Variants in ACOX2 observed in about 807,000 individuals in gnomAD.
The protein encoded by ACOX2 is acyl-CoA oxidase 2.
A neutral mutation model predicts 77.5 loss-of-function variants in ACOX2; 59 were observed. The observed-to-expected ratio is 0.76, with a 90% confidence interval of 0.62 to 0.95. The LOEUF is 0.95. Ranked by LOEUF, ACOX2 falls within the 40% of genes least tolerant of loss-of-function variation. The probability of loss-of-function intolerance (pLI) is 0.00; values close to 1 mark genes in which losing one functional copy is unlikely to be tolerated. For synonymous variants in ACOX2, 317 were observed against 340.1 expected, an observed-to-expected ratio of 0.93 and a Z score of 0.75; for missense variants, 837 against 880.4, an observed-to-expected ratio of 0.95 and a Z score of 0.62.
rs990445260 is a variant in ACOX2 at position 58,523,353 on chromosome 3, A to G, written c.1527-752T>C. 6.6e-5 allele frequency among the ~76,000 whole-genome samples: 10 copies of G among 152,218 alleles called. No homozygotes were observed. The highest frequency in any genetic ancestry group is 1.5e-4 in the Non-Finnish European group (10 of 68,040). On this transcript the variant is annotated intron_variant, in intron 11 of 14. Transcript: ENST00000302819. This position sits in a 1 kb window ranked among gnomAD's most constrained non-coding sequence, Gnocchi z 5.3. ...CCCCTCCTCAAATCTCCCAATTGAA[A>G]TGTTAGCTCTATGAGTTTGGGGTGT...
In ACOX2 at chr3:58,534,807, G is replaced by T; in HGVS notation, c.160+140C>A. The T allele has an allele frequency of 2.1e-6, 3 of 1,439,428 alleles. No homozygotes were observed. Among genetic ancestry groups the T allele is most frequent in the African/African-American group, 1.4e-5 (1 of 71,604 alleles). 89.2% of individuals were successfully genotyped at this position (1,439,428 alleles called of 1,614,324 possible). On this transcript the variant is annotated intron_variant, in intron 2 of 14. Coordinates refer to ENST00000302819, the MANE Select transcript of ACOX2 (RefSeq NM_003500.4). This position sits in a 1 kb window ranked among gnomAD's most constrained non-coding sequence, Gnocchi z 4.8. ...TTGACATGTGAAGATTGTCTTTACA[G>T]TTCGAAGGAATGAATCTCTAACAGT...
chr3:58,532,150 G>A (rs1395171085), intron 5 of ACOX2, among the ~76,000 whole-genome samples: 2 of 152,142 alleles, frequency 1.3e-5, no homozygotes, highest in Admixed American at 1.3e-4. Flanking sequence ...TTGCAGGGGA[G>A]AGAGGATGAT....
At position 58,533,406 on chromosome 3, in the gene ACOX2, T is replaced by C. The variant is rs2063455147; in HGVS notation, c.583+39A>G. On this transcript the variant is annotated intron_variant, in intron 5 of 14. Transcript: ENST00000302819. The surrounding 1 kb of genome is among the most constrained non-coding windows in gnomAD (Gnocchi z 5.6). ...ACTCTGCCCTCCAACATTCTTCTAC[T>C]TGGGGAGAGTTAAGGAAGGGGGGTG... 1 of 1,565,178 alleles carries C rather than the reference T, an allele frequency of 6.4e-7. No individual in the cohort carries two copies. Among genetic ancestry groups the C allele is most frequent in the Non-Finnish European group, 8.8e-7 (1 of 1,136,810 alleles).
Position 58,531,837 on chromosome 3 carries a change from C to T in ACOX2, c.584-25G>A, listed in dbSNP as rs746806175. 32 of 1,605,374 alleles carry T rather than the reference C, an allele frequency of 2.0e-5. No homozygotes were observed. Among genetic ancestry groups the T allele is most frequent in the Non-Finnish European group, 2.6e-5 (31 of 1,176,400 alleles). ...ACTGAGGGCAGAGAGAGTAGCGGCCCGTCACAGGAAGACCTGTGCATTGCT... is the reference window on the plus strand; with the variant it reads ...ACTGAGGGCAGAGAGAGTAGCGGCCTGTCACAGGAAGACCTGTGCATTGCT... On this transcript the variant is annotated intron_variant, in intron 5 of 14. Transcript: ENST00000302819. The surrounding 1 kb of genome is among the most constrained non-coding windows in gnomAD (Gnocchi z 5.8).
At position 58,533,485 on chromosome 3, in the gene ACOX2, G is replaced by C. The variant is rs745760548; in HGVS notation, c.543C>G (p.His181Gln). The change falls in exon 5 of 15, where the codon CAC becomes CAG. Residue 181 changes from histidine to glutamine, a missense_variant. Coordinates refer to ENST00000302819, the MANE Select transcript of ACOX2 (RefSeq NM_003500.4). This position sits in a 1 kb window ranked among gnomAD's most constrained non-coding sequence, Gnocchi z 5.6. Reference protein sequence around the residue: ...YDAATQEFVIHSPTLTATKWW... With the variant: ...YDAATQEFVIQSPTLTATKWW... ...ATTTGGTGGCAGTCAGCGTGGGGCT[G>C]TGTATCACAAACTCCTGGGTGGCTG... The C allele has an allele frequency of 6.2e-7, 1 of 1,614,000 alleles. No individual in the cohort carries two copies. The highest frequency in any genetic ancestry group is 1.1e-5 in the South Asian group (1 of 91,078).
chr3:58,520,680 G>C (rs1041594658), intron 12 of ACOX2, among the ~76,000 whole-genome samples: 1 of 152,182 alleles, frequency 6.6e-6, no homozygotes. Flanking sequence ...GCTTTCTGTA[G>C]ACTAAATAAC....
At position 58,531,405 on chromosome 3, in the gene ACOX2, A is replaced by G; in HGVS notation, c.704-39T>C. 1 of 1,569,816 alleles carries G rather than the reference A, an allele frequency of 6.4e-7. No homozygotes were observed. The highest frequency in any genetic ancestry group is 8.8e-7 in the Non-Finnish European group (1 of 1,141,424). On this transcript the variant is annotated intron_variant, in intron 6 of 14. Coordinates refer to ENST00000302819, the MANE Select transcript of ACOX2 (RefSeq NM_003500.4). This position sits in a 1 kb window ranked among gnomAD's most constrained non-coding sequence, Gnocchi z 5.8. ...GAGATGAGGACACCTATCAGTTGAG[A>G]GAGTGCTTGCTATGTGGCAGGTATC...
In ACOX2 at chr3:58,525,283, G is replaced by C. The variant is rs146475328; in HGVS notation, c.1347-678C>G. ...CTTTTCTAATTTGGAAAAAAACCAA[G>C]GGATGTTATATATTTTTAAAAATAT... On this transcript the variant is annotated intron_variant, in intron 10 of 14. Coordinates refer to ENST00000302819, the MANE Select transcript of ACOX2 (RefSeq NM_003500.4). The surrounding 1 kb of genome is among the most constrained non-coding windows in gnomAD (Gnocchi z 5.0). Among the ~76,000 whole-genome samples the C allele has an allele frequency of 6.6e-6, 1 of 152,172 alleles. No homozygotes were observed. The highest frequency in any genetic ancestry group is 1.5e-5 in the Non-Finnish European group (1 of 68,014).
Position 58,523,388 on chromosome 3 carries a change from C to G in ACOX2, c.1527-787G>C, listed in dbSNP as rs768935898. 3.9e-5 allele frequency among the ~76,000 whole-genome samples: 6 copies of G among 152,114 alleles called. No individual in the cohort carries two copies. Among genetic ancestry groups the G allele is most frequent in the Non-Finnish European group, 8.8e-5 (6 of 68,032 alleles). ...TATGAGTTTGGGGTGTTTATCAGGC[C>G]TATTTACTGATAGGTCCCTAATGCC... is the stretch of plus-strand genomic sequence containing the variant. On this transcript the variant is annotated intron_variant, in intron 11 of 14. Coordinates refer to ENST00000302819, the MANE Select transcript of ACOX2 (RefSeq NM_003500.4). The surrounding 1 kb of genome is among the most constrained non-coding windows in gnomAD (Gnocchi z 5.3).
intron 13 of ACOX2, among the ~76,000 whole-genome samples, chr3:58,510,559 G>A (rs1333644943): frequency 2.8e-5 from 4 of 142,002 alleles, no homozygotes; most frequent in Non-Finnish European, 6.0e-5. Flanking sequence ...CTTGAACCTG[G>A]GAGTCAGAGG....
Position 58,524,623 on chromosome 3 carries a change from A to G in ACOX2, c.1347-18T>C, listed in dbSNP as rs1303435945. The G allele has an allele frequency of 2.5e-6, 4 of 1,612,270 alleles. No individual in the cohort carries two copies. The highest frequency in any genetic ancestry group is 3.4e-6 in the Non-Finnish European group (4 of 1,179,490). ...CCAGGAACCTGGGGGTTGGAAGAGG[A>G]GGCAGGTGAGAGGGCAGAGACTCTG... On this transcript the variant is annotated intron_variant, in intron 10 of 14. Transcript: ENST00000302819. The surrounding 1 kb of genome is among the most constrained non-coding windows in gnomAD (Gnocchi z 5.5).
At position 58,525,966 on chromosome 3, in the gene ACOX2, G is replaced by A. The variant is rs536704685; in HGVS notation, c.1346+500C>T. Reference sequence around the variant, plus strand: ...CGGCGGGCAGAGGTTGCAGTGAGCCGAGATTGCACCACTGCACTCCAGCCT... The same window carrying A: ...CGGCGGGCAGAGGTTGCAGTGAGCCAAGATTGCACCACTGCACTCCAGCCT... On this transcript the variant is annotated intron_variant, in intron 10 of 14. Transcript: ENST00000302819. The surrounding 1 kb of genome is among the most constrained non-coding windows in gnomAD (Gnocchi z 5.0). 2.6e-5 allele frequency among the ~76,000 whole-genome samples: 4 copies of A among 152,002 alleles called. No homozygotes were observed. Among genetic ancestry groups the A allele is most frequent in the African/African-American group, 9.7e-5 (4 of 41,450 alleles).
chr3:58,533,470 A>G lies in ACOX2; in HGVS notation c.558T>C (p.Thr186=). ...AGTCTCCAGGCCACCATTTGGTGGC[A>G]GTCAGCGTGGGGCTGTGTATCACAA... ...QEFVIHSPTL[T]ATKWWPGDLG... is the part of the protein sequence containing the mutation. The change falls in exon 5 of 15, where the codon ACT becomes ACC. Residue 186 remains threonine, a synonymous_variant. Transcript: ENST00000302819. This position sits in a 1 kb window ranked among gnomAD's most constrained non-coding sequence, Gnocchi z 5.6. The G allele has an allele frequency of 5.6e-6, 9 of 1,613,970 alleles. No individual in the cohort carries two copies. Among genetic ancestry groups the G allele is most frequent in the Admixed American group, 1.7e-5 (1 of 60,002 alleles).
Position 58,519,238 on chromosome 3 carries a change from G to A in ACOX2, c.1633-1815C>T, listed in dbSNP as rs541650158. Among the ~76,000 whole-genome samples the A allele has an allele frequency of 6.6e-6, 1 of 152,080 alleles. No homozygotes were observed. The highest frequency in any genetic ancestry group is 1.5e-5 in the Non-Finnish European group (1 of 68,030). ...GTCTCTACAAAAAATACAAAAATTA[G>A]CCAGGTGTGGTGGTGCACACCTGTA... On this transcript the variant is annotated intron_variant, in intron 12 of 14. Transcript: ENST00000302819. The surrounding 1 kb of genome is among the most constrained non-coding windows in gnomAD (Gnocchi z 5.0).
chr3:58,530,363 G>A, intron 8 of ACOX2, 103 bp downstream of exon 8: 2 of 1,487,128 alleles, frequency 1.3e-6, no homozygotes, highest in Non-Finnish European at 9.1e-7. Context: ...GGCATTGCCT[G>A]CTCCCAGCAC....
At position 58,512,570 on chromosome 3, in the gene ACOX2, A is replaced by C. The variant is rs1337306300; in HGVS notation, c.1851-3545T>G. Among the ~76,000 whole-genome samples the C allele has an allele frequency of 6.6e-6, 1 of 151,854 alleles. No homozygotes were observed. The highest frequency in any genetic ancestry group is 1.5e-5 in the Non-Finnish European group (1 of 67,964). ...ACCTTACCGTCTCTTCCCACCCCCT[A>C]CTGTACTCCCTTAACTCTCTGCCCT... On this transcript the variant is annotated intron_variant, in intron 13 of 14. Transcript: ENST00000302819. This position sits in a 1 kb window ranked among gnomAD's most constrained non-coding sequence, Gnocchi z 4.8.
rs754620970 is a variant in ACOX2, at chr3:58,526,480, G to A, written c.1332C>T (p.Tyr444=). ...CTGGACCTTACCTGGCCACCTGCAG[G>A]TAGAGCACTGTGTTCTCACCCTCGT... The part of the protein sequence containing the change: ...CTYEGENTVL[Y]LQVARFLVKS... Residue 444 remains tyrosine, a synonymous_variant, in exon 10 of 15, where the codon TAC becomes TAT. Transcript: ENST00000302819. This position sits in a 1 kb window ranked among gnomAD's most constrained non-coding sequence, Gnocchi z 4.3. 6 of 1,613,420 alleles carry A rather than the reference G, an allele frequency of 3.7e-6. No individual in the cohort carries two copies. The East Asian group carries it at 8.9e-5, about 24-fold the overall frequency.
At chr3:58,513,226 A>ATG (rs1441309164) in intron 13 of ACOX2, among the ~76,000 whole-genome samples, 1 of 151,946 alleles carries the variant, frequency 6.6e-6, no homozygotes. Context: ...TATTTTGTGC[A>ATG]TGTGTGTGCC....
rs532385875 is a variant in ACOX2 at position 58,505,438 on chromosome 3, A to G, written c.1984-152T>C. 1.6e-6 allele frequency: 1 copy of G among 619,500 alleles called. No individual in the cohort carries two copies. Among genetic ancestry groups the G allele is most frequent in the African/African-American group, 1.9e-5 (1 of 52,710 alleles). The allele number at this position is 619,500 out of a possible 1,614,324, so 38.4% of individuals were successfully genotyped here. A position where few individuals can be genotyped will look rare whatever the true frequency, so the allele number is the denominator to read the frequency against. ...TTTCTAAGACTCATTTTGTGTGAAC[A>G]TATGGAGAAACATTTTTTCCAAAGG... On this transcript the variant is annotated intron_variant, in intron 14 of 14. Transcript: ENST00000302819. The surrounding 1 kb of genome is among the most constrained non-coding windows in gnomAD (Gnocchi z 4.4).
Sources: allele counts gnomAD v4.1 joint callset (sites outside exome capture counted in the v4.1 genomes callset), GRCh38; gene constraint gnomAD v4.1.1; non-coding constraint Gnocchi (gnomAD v3.1); transcripts MANE v1.5; gene names NCBI Gene and HGNC (gene_info 2026-07-23, HGNC 2026-07-21).